The following GSDME variants were observed in gnomAD, a reference collection of about 807,000 sequenced individuals.
GSDME encodes gasdermin-E.
In GSDME, 44 loss-of-function variants were observed where a neutral mutation model predicts 47.5. The ratio of observed to expected loss-of-function variants is 0.93; its 90% CI spans 0.73 to 1.19. GSDME has a LOEUF of 1.19. GSDME is among the 50% of genes most tolerant of loss of function. The probability of loss-of-function intolerance (pLI) is 0.00; values close to 1 mark genes in which losing one functional copy is unlikely to be tolerated. For missense variants in GSDME, 663 were observed against 604.2 expected (o/e 1.10, Z -1.02); for synonymous variants, 258 against 252.8 (o/e 1.02, Z -0.20).
intron 3 of GSDME, among the ~76,000 whole-genome samples, chr7:24,743,248 A>C (rs911725070): frequency 1.5e-4 from 23 of 152,230 alleles, no homozygotes; most frequent in Non-Finnish European, 4.4e-5. Flanking sequence ...AATTTTGTGG[A>C]ATGAGCACTT....
chr7:24,769,041 G>A, the GSDME span, among the ~76,000 whole-genome samples: 1 of 152,146 alleles, frequency 6.6e-6, no homozygotes, highest in South Asian at 2.1e-4. Flanking sequence ...TCTTGTTCCT[G>A]GTACAACCTG....
At chr7:24,790,565 T>A in the GSDME span, among the ~76,000 whole-genome samples, 2 of 152,158 alleles carry the variant, frequency 1.3e-5, no homozygotes, top group African/African-American at 4.8e-5. The surrounding 1 kb of genome is among the most constrained non-coding windows in gnomAD (Gnocchi z 4.1). Context: ...ATATCCAGTA[T>A]AATCTGGTGG....
intron 9 of GSDME, among the ~76,000 whole-genome samples, chr7:24,701,172 G>T (rs1244563213): frequency 6.6e-6 from 1 of 152,164 alleles, no homozygotes; most frequent in Non-Finnish European, 1.5e-5. Context: ...GAAACATGAC[G>T]CTCAAATTCC....
chr7:24,700,547 TG>T (rs1175962533), intron 9 of GSDME, among the ~76,000 whole-genome samples: 1 of 152,208 alleles, frequency 6.6e-6, no homozygotes, highest in African/African-American at 2.4e-5. Flanking sequence ...TCCTGAGCAG[TG>T]GTGACTATCT....
rs771303080 is a variant in GSDME, at chr7:24,716,102, C to G, written c.697+1152G>C. 6.6e-6 allele frequency among the ~76,000 whole-genome samples: 1 copy of G among 152,202 alleles called. No individual in the cohort carries two copies. Among genetic ancestry groups the G allele is most frequent in the Admixed American group, 6.5e-5 (1 of 15,284 alleles). ...GTCTCACGGGAGACTGCCCCCCACC[C>G]GCCTTCCACAAATGGGGGAGAAGCA... On this transcript the variant is annotated intron_variant, in intron 5 of 9. Transcript: ENST00000645220. The surrounding 1 kb of genome is among the most constrained non-coding windows in gnomAD (Gnocchi z 4.5).
chr7:24,781,925 C>T, the GSDME span, among the ~76,000 whole-genome samples: 1 of 151,866 alleles, frequency 6.6e-6, no homozygotes, highest in African/African-American at 2.4e-5. Context: ...TTTTTGTTTT[C>T]TGTAGAAAGG....
At position 24,710,387 on chromosome 7, in the gene GSDME, C is replaced by A; in HGVS notation, c.699G>T (p.Glu233Asp). Residue 233 changes from glutamate to aspartate, a missense_variant and splice_region_variant, in exon 6 of 10, where the codon GAG becomes GAT. Physicochemically the swap from Glu to Asp is conservative, Grantham distance 45. Coordinates refer to ENST00000645220, the MANE Select transcript of GSDME (RefSeq NM_001127453.2). ...CTTGCTTCCCTCGGAGAAGGCAGAA[C>A]TCTGTAGTGCAGGAGAAAAGGACAA... ...ELYVKLDGQF[E>D]FCLLRGKQGG... is the part of the protein sequence containing the mutation. 6.2e-7 allele frequency: 1 copy of A among 1,614,210 alleles called. No individual in the cohort carries two copies. The highest frequency in any genetic ancestry group is 1.7e-5 in the Admixed American group (1 of 60,026).
rs1445717997 is a variant in GSDME at position 24,699,200 on chromosome 7, CAG to C, written c.1315_1316del (p.Leu439GlufsTer17). On this transcript the variant is annotated frameshift_variant, in exon 10 of 10. Transcript: ENST00000645220. LOFTEE classifies it low-confidence loss of function (END_TRUNC). ...SDLEDPTLTP[L>X]KDTERFGIVQ... Reference sequence around the variant, plus strand: ...CAATCCCAAACCTTTCTGTATCTTTCAGGGGAGTCAAGGTTGGGTCTTCAAGA... The same window carrying C: ...CAATCCCAAACCTTTCTGTATCTTTCGGGAGTCAAGGTTGGGTCTTCAAGA... The C allele has an allele frequency of 6.2e-7, 1 of 1,614,158 alleles. No homozygotes were observed. Among genetic ancestry groups the C allele is most frequent in the Non-Finnish European group, 8.5e-7 (1 of 1,180,014 alleles).
At position 24,704,134 on chromosome 7, in the gene GSDME, A is replaced by C. The variant is rs140108110; in HGVS notation, c.1184-1301T>G. ...CCACTAATTTTACTACTTGACTCTG[A>C]TTTCCTGGAGGGCCAAGACTTGATA... On this transcript the variant is annotated intron_variant, in intron 8 of 9. Coordinates refer to ENST00000645220, the MANE Select transcript of GSDME (RefSeq NM_001127453.2). 3.3e-5 allele frequency: 5 copies of C among 152,332 alleles called. No homozygotes were observed. In the East Asian group the frequency reaches 9.6e-4, roughly 29 times the overall value. The allele number at this position is 152,332 out of a possible 1,614,324, so 9.4% of individuals were successfully genotyped here.
Position 24,752,074 on chromosome 7 carries a change from A to G in GSDME, c.-19-2281T>C, listed in dbSNP as rs139550641. Among the ~76,000 whole-genome samples, 19 of 152,354 alleles carry G rather than the reference A, an allele frequency of 1.2e-4. No individual in the cohort carries two copies. In the East Asian group the frequency reaches 2.9e-3, roughly 23 times the overall value. On this transcript the variant is annotated intron_variant, in intron 1 of 9. Coordinates refer to ENST00000645220, the MANE Select transcript of GSDME (RefSeq NM_001127453.2). ...AGTAAGCCAGGCAAAGGAGCACTAT[A>G]TGGATGCTGTAGCTGAGGAGCAGCC... is the stretch of plus-strand genomic sequence containing the variant.
chr7:24,768,324 G>A, the GSDME span, among the ~76,000 whole-genome samples: 1 of 152,180 alleles, frequency 6.6e-6, no homozygotes, highest in African/African-American at 2.4e-5. This position sits in a 1 kb window ranked among gnomAD's most constrained non-coding sequence, Gnocchi z 5.6. Context: ...TAGCATAGGG[G>A]GAGAGGGAAT....
chr7:24,787,343 C>T, the GSDME span, among the ~76,000 whole-genome samples: 9 of 152,140 alleles, frequency 5.9e-5, no homozygotes, highest in Admixed American at 3.9e-4. The surrounding 1 kb of genome is among the most constrained non-coding windows in gnomAD (Gnocchi z 5.0). Flanking sequence ...AGAAGCACAT[C>T]GTTGTAAACC....
chr7:24,746,338 T>C (rs1790668289), intron 2 of GSDME, among the ~76,000 whole-genome samples: 2 of 152,230 alleles, frequency 1.3e-5, no homozygotes, highest in African/African-American at 4.8e-5. Flanking sequence ...CCTACTCTAA[T>C]ATTACTAACC....
At position 24,744,750 on chromosome 7, in the gene GSDME, G is replaced by A. The variant is rs754870463; in HGVS notation, c.216C>T (p.Val72=). The change falls in exon 3 of 10, where the codon GTC becomes GTT. Residue 72 remains valine, a synonymous_variant. Coordinates refer to ENST00000645220, the MANE Select transcript of GSDME (RefSeq NM_001127453.2). This position sits in a 1 kb window ranked among gnomAD's most constrained non-coding sequence, Gnocchi z 4.5. ...LIEDQFPSPV[V]VESDFVKYEG... The stretch of plus-strand genomic sequence containing the variant: ...CGTATTTCACAAAGTCCGACTCCAC[G>A]ACCACTGGAATGGAGGAGACGAGCA... 4.3e-6 allele frequency: 7 copies of A among 1,613,920 alleles called. No individual in the cohort carries two copies. The highest frequency in any genetic ancestry group is 2.2e-5 in the East Asian group (1 of 44,878).
intron 1 of GSDME, among the ~76,000 whole-genome samples, chr7:24,753,915 C>T (rs1439310487): frequency 6.6e-6 from 1 of 152,182 alleles, no homozygotes; most frequent in African/African-American, 2.4e-5. Flanking sequence ...CACCATCATT[C>T]TCAAACACAT....
At chr7:24,771,628 G>A in the GSDME span, among the ~76,000 whole-genome samples, 1 of 152,138 alleles carries the variant, frequency 6.6e-6, no homozygotes, top group Non-Finnish European at 1.5e-5. This position sits in a 1 kb window ranked among gnomAD's most constrained non-coding sequence, Gnocchi z 4.1. Flanking sequence ...AGATTGTACC[G>A]CTAGTTGGTA....
rs57130446 is a variant in GSDME, at chr7:24,720,163, AC to A, written c.405-946del. ...CACTCAGCAGAGATTTGGGGCTCCC[AC>A]CCAGCCACTTGAAATTCTGCAAACT... On this transcript the variant is annotated intron_variant, in intron 3 of 9. Coordinates refer to ENST00000645220, the MANE Select transcript of GSDME (RefSeq NM_001127453.2). Among the ~76,000 whole-genome samples the A allele has an allele frequency of 2.5e-3, 375 of 152,336 alleles. 1 individual carries two copies. Among genetic ancestry groups the A allele is most frequent in the African/African-American group, 8.4e-3 (349 of 41,582 alleles).
rs1436510023 is a variant in GSDME, at chr7:24,749,549, C to T, written c.211+15G>A. ...TTTCCGAGACTAATTATAGAATATA[C>T]CCAAGGAAACATACCTGGACTCGGA... On this transcript the variant is annotated intron_variant, in intron 2 of 9. Transcript: ENST00000645220. 1 of 1,575,438 alleles carries T rather than the reference C, an allele frequency of 6.3e-7. No individual in the cohort carries two copies. The highest frequency in any genetic ancestry group is 8.7e-7 in the Non-Finnish European group (1 of 1,148,046).
upstream of GSDME, among the ~76,000 whole-genome samples, chr7:24,761,294 C>T (rs1791162199): frequency 6.6e-6 from 1 of 152,214 alleles, no homozygotes; most frequent in Non-Finnish European, 1.5e-5. The surrounding 1 kb of genome is among the most constrained non-coding windows in gnomAD (Gnocchi z 4.4). Flanking sequence ...ATACCATAGA[C>T]TGAGTGGCTT....
Sources: allele counts gnomAD v4.1 joint callset (sites outside exome capture counted in the v4.1 genomes callset), GRCh38; gene constraint gnomAD v4.1.1; non-coding constraint Gnocchi (gnomAD v3.1); transcripts MANE v1.5; gene names NCBI Gene and HGNC (gene_info 2026-07-23, HGNC 2026-07-21).